The following TMEM267 variants were observed in gnomAD, a reference collection of about 807,000 sequenced individuals.
TMEM267 encodes transmembrane protein C5orf28.
A neutral mutation model predicts 19.3 loss-of-function variants in TMEM267; 20 were observed. That is an observed-to-expected ratio of 1.04 (90% CI 0.73 to 1.51). The LOEUF (loss-of-function observed/expected upper bound fraction) is 1.51, where lower values mean the gene tolerates loss of function less well. TMEM267 is among the 40% of genes most tolerant of loss of function. The pLI is 0.00. For synonymous variants in TMEM267, 88 were observed against 90.3 expected, an observed-to-expected ratio of 0.97 and a Z score of 0.15; for missense variants, 242 against 261.9, an observed-to-expected ratio of 0.92 and a Z score of 0.52.
intron 1 of TMEM267, among the ~76,000 whole-genome samples, chr5:43,460,847 G>A (rs894646235): frequency 3.9e-5 from 6 of 152,214 alleles, no homozygotes; most frequent in Non-Finnish European, 5.9e-5. Flanking sequence ...CGCCACTGAG[G>A]GCTACAGTGC....
At chr5:43,451,217 A>G (rs1017045374) in intron 2 of TMEM267, among the ~76,000 whole-genome samples, 8 of 152,196 alleles carry the variant, frequency 5.3e-5, no homozygotes, top group Non-Finnish European at 8.8e-5. Flanking sequence ...GTTATAATCC[A>G]CATATTACAG....
chr5:43,480,392 T>C (rs189365417), intron 1 of TMEM267, among the ~76,000 whole-genome samples: 1 of 151,956 alleles, frequency 6.6e-6, no homozygotes, highest in African/African-American at 2.4e-5. Context: ...TAGGTCACTG[T>C]AGCCTCTAAC....
At chr5:43,471,357 A>G (rs922172052) in intron 1 of TMEM267, among the ~76,000 whole-genome samples, 6 of 152,274 alleles carry the variant, frequency 3.9e-5, no homozygotes, top group Middle Eastern at 3.4e-3. Context: ...TAAAATGTCC[A>G]TAATACCCAA....
At chr5:43,467,827 T>C (rs1443802149) in intron 1 of TMEM267, among the ~76,000 whole-genome samples, 2 of 152,150 alleles carry the variant, frequency 1.3e-5, no homozygotes, top group Non-Finnish European at 2.9e-5. Flanking sequence ...GATTGCCTTC[T>C]TGGGAAAGAC....
chr5:43,457,788 T>G (rs543588320), intron 1 of TMEM267, among the ~76,000 whole-genome samples: 14 of 152,304 alleles, frequency 9.2e-5, no homozygotes, highest in Non-Finnish European at 1.2e-4. Flanking sequence ...AAAAATTAAA[T>G]AAATGAACCG....
intron 1 of TMEM267, among the ~76,000 whole-genome samples, chr5:43,463,432 C>G (rs529567323): frequency 6.6e-6 from 1 of 152,186 alleles, no homozygotes; most frequent in African/African-American, 2.4e-5. Context: ...CTCCCTAACT[C>G]ATTTTATGAG....
chr5:43,452,748 T>C (rs1742687729), intron 2 of TMEM267, among the ~76,000 whole-genome samples: 2 of 152,250 alleles, frequency 1.3e-5, no homozygotes, highest in Admixed American at 6.5e-5. Flanking sequence ...GATTCTTTAC[T>C]GATTAAGTTT....
chr5:43,461,842 C>G (rs919509658), intron 1 of TMEM267, among the ~76,000 whole-genome samples: 3 of 152,174 alleles, frequency 2.0e-5, no homozygotes, highest in Admixed American at 2.0e-4. Context: ...CCTCTAGACC[C>G]ACCCAGGGCC....
chr5:43,474,138 G>C (rs1025046968), intron 1 of TMEM267, among the ~76,000 whole-genome samples: 1 of 152,120 alleles, frequency 6.6e-6, no homozygotes, highest in Non-Finnish European at 1.5e-5. Context: ...AGACTTAAAC[G>C]TAAGACCTAA....
intron 1 of TMEM267, among the ~76,000 whole-genome samples, chr5:43,478,052 C>T (rs1477764553): frequency 6.6e-6 from 1 of 152,200 alleles, no homozygotes; most frequent in Admixed American, 6.5e-5. Flanking sequence ...TATAGATGAA[C>T]ATGGGTTCTA....
upstream of TMEM267, chr5:43,483,904 G>C (rs1579845093): frequency 6.6e-6 from 1 of 152,228 alleles, no homozygotes; most frequent in African/African-American, 2.4e-5. Context: ...GTCGGCTGCC[G>C]GCCAGAGTGG....
intron 1 of TMEM267, among the ~76,000 whole-genome samples, chr5:43,470,802 G>A (rs1289311117): frequency 3.3e-5 from 5 of 152,136 alleles, no homozygotes; most frequent in Admixed American, 3.3e-4. Context: ...AGTCAAATTA[G>A]CCTTGTTTGC....
intron 1 of TMEM267, among the ~76,000 whole-genome samples, chr5:43,461,267 G>A (rs897972248): frequency 6.6e-6 from 1 of 152,156 alleles, no homozygotes; most frequent in Non-Finnish European, 1.5e-5. Flanking sequence ...CTTGGGACCT[G>A]AACAACCAGC....
intron 1 of TMEM267, among the ~76,000 whole-genome samples, chr5:43,462,456 A>G (rs1193352637): frequency 1.3e-5 from 2 of 152,210 alleles, no homozygotes; most frequent in African/African-American, 4.8e-5. Context: ...CTAAAGACCA[A>G]TCTTGGAAAA....
At chr5:43,481,055 C>T (rs1219425138) in intron 1 of TMEM267, among the ~76,000 whole-genome samples, 3 of 150,444 alleles carry the variant, frequency 2.0e-5, no homozygotes, top group Admixed American at 1.3e-4. Flanking sequence ...CCGCCCGCCT[C>T]GGCCTCCCAA....
At chr5:43,480,508 A>G (rs1262807936) in intron 1 of TMEM267, among the ~76,000 whole-genome samples, 4 of 151,200 alleles carry the variant, frequency 2.6e-5, no homozygotes, top group Non-Finnish European at 5.9e-5. Flanking sequence ...TTTTTTTAAG[A>G]GACAGGGTCC....
At chr5:43,471,314 T>C (rs1744049419) in intron 1 of TMEM267, among the ~76,000 whole-genome samples, 2 of 152,092 alleles carry the variant, frequency 1.3e-5, no homozygotes, top group Admixed American at 1.3e-4. Flanking sequence ...TGAAAAATTA[T>C]CCATGTTCAT....
At chr5:43,459,905 C>T (rs1409855596) in intron 1 of TMEM267, among the ~76,000 whole-genome samples, 1 of 152,090 alleles carries the variant, frequency 6.6e-6, no homozygotes, top group East Asian at 1.9e-4. Context: ...TTATTGTGTA[C>T]TTTATTTCTA....
chr5:43,483,846 G>C lies in TMEM267; in HGVS notation c.-99C>G, dbSNP rs753196601. 6.6e-6 allele frequency: 1 copy of C among 152,320 alleles called. No individual in the cohort carries two copies. The highest frequency in any genetic ancestry group is 2.1e-4 in the South Asian group (1 of 4,828). The allele number at this position is 152,320 out of a possible 1,614,324, so 9.4% of individuals were successfully genotyped here. A position where few individuals can be genotyped will look rare whatever the true frequency, so the allele number is the denominator to read the frequency against. On this transcript the variant is annotated 5_prime_UTR_variant, in exon 1 of 3. Transcript: ENST00000397080. ...CCCCGGCTTCTCTGAGTTCAATCCA[G>C]CAGCAGCTCGAGCAGCGGCTCCGCC... is the stretch of plus-strand genomic sequence containing the variant.
Sources: gnomAD v4.1 joint callset for allele counts (sites outside exome capture counted in the v4.1 genomes callset) on GRCh38, gnomAD v4.1.1 for gene constraint, MANE v1.5 for transcripts, NCBI Gene and HGNC (gene_info 2026-07-23, HGNC 2026-07-21) for gene names.